Variants in C12orf42 observed in about 807,000 individuals in gnomAD.
The protein encoded by C12orf42 is uncharacterized protein C12orf42.
A neutral mutation model predicts 21.6 loss-of-function variants in C12orf42; 25 were observed. The observed-to-expected ratio is 1.16, with a 90% CI of 0.84 to 1.62. C12orf42 has a LOEUF of 1.62. Among genes scored for constraint, C12orf42 ranks in the 40% most tolerant of loss-of-function variants. C12orf42 has a pLI of 0.00. For missense variants in C12orf42, 483 were observed against 459.3 expected (o/e 1.05, Z -0.47); for synonymous variants, 174 against 175.0 (o/e 0.99, Z 0.05).
At chr12:103,201,517 T>G in the C12orf42 span, among the ~76,000 whole-genome samples, 3 of 152,054 alleles carry the variant, frequency 2.0e-5, no homozygotes, top group East Asian at 5.8e-4. Flanking sequence ...AAAAAAAAAG[T>G]TTTGCTCAGC....
the C12orf42 span, among the ~76,000 whole-genome samples, chr12:103,072,618 A>C: frequency 1.3e-5 from 2 of 152,096 alleles, no homozygotes; most frequent in Non-Finnish European, 1.5e-5. Context: ...CCCCCGGTAC[A>C]TACCCAGTAA....
At chr12:103,449,081 TGATAGATAGATAGATAGATAGATAGATA>T (rs56702467) in intron 2 of C12orf42, among the ~76,000 whole-genome samples, 2 of 146,484 alleles carry the variant, frequency 1.4e-5, no homozygotes, top group African/African-American at 2.5e-5. Flanking sequence ...AAAGAAAATA[TGATAGATAGATAGATAGATAGATAGATA>T]GATAGATAGA....
At chr12:103,086,391 C>A in the C12orf42 span, among the ~76,000 whole-genome samples, 3 of 151,522 alleles carry the variant, frequency 2.0e-5, no homozygotes, top group Non-Finnish European at 4.4e-5. Context: ...AAAGAGAGAA[C>A]TATTTCTAAT....
chr12:103,500,660 T>C (rs1412416781), upstream of C12orf42, among the ~76,000 whole-genome samples: 1 of 152,226 alleles, frequency 6.6e-6, no homozygotes, highest in Non-Finnish European at 1.5e-5. Context: ...GCAAGAATGT[T>C]CTGTAATTAA....
At chr12:103,313,945 G>T (rs962783369) in intron 4 of C12orf42, among the ~76,000 whole-genome samples, 1 of 152,142 alleles carries the variant, frequency 6.6e-6, no homozygotes, top group Non-Finnish European at 1.5e-5. Flanking sequence ...GGGGAAGGCG[G>T]CAAAAGCAGG....
chr12:103,164,626 T>C, the C12orf42 span: 1 of 433,876 alleles, frequency 2.3e-6, no homozygotes, highest in East Asian at 7.1e-5. Flanking sequence ...CATATACTTA[T>C]ACTAATATTT....
chr12:103,105,612 A>G, the C12orf42 span, among the ~76,000 whole-genome samples: 1 of 152,200 alleles, frequency 6.6e-6, no homozygotes, highest in Non-Finnish European at 1.5e-5. Context: ...TTCCCATGTA[A>G]CAAACCTGCA....
intron 2 of C12orf42, among the ~76,000 whole-genome samples, chr12:103,438,292 C>T (rs1417874658): frequency 2.6e-5 from 4 of 151,838 alleles, no homozygotes; most frequent in Non-Finnish European, 5.9e-5. Context: ...AAACCCACAG[C>T]CAATATCATA....
the C12orf42 span, among the ~76,000 whole-genome samples, chr12:103,525,809 C>A: frequency 1.3e-5 from 2 of 152,132 alleles, no homozygotes; most frequent in Admixed American, 1.3e-4. Context: ...GCAGATGAAT[C>A]ACAAGGTCAG....
At chr12:103,398,605 A>G (rs1027123423) in intron 3 of C12orf42, among the ~76,000 whole-genome samples, 6 of 152,078 alleles carry the variant, frequency 3.9e-5, no homozygotes, top group Admixed American at 6.5e-5. Context: ...CATAAAATAT[A>G]TTTTGTATTT....
chr12:103,111,192 A>G, the C12orf42 span, among the ~76,000 whole-genome samples: 1 of 152,202 alleles, frequency 6.6e-6, no homozygotes, highest in South Asian at 2.1e-4. Flanking sequence ...ATGAAACATT[A>G]AAAAATAATA....
At chr12:103,474,458 G>GTA (rs763707889) in intron 2 of C12orf42, among the ~76,000 whole-genome samples, 2,226 of 62,878 alleles carry the variant, frequency 0.035, 37 homozygotes, top group African/African-American at 0.072. Context: ...GTATGTATGT[G>GTA]TGTGTGTGTG....
At chr12:103,279,468 T>C (rs975003866) in intron 4 of C12orf42, among the ~76,000 whole-genome samples, 1 of 152,322 alleles carries the variant, frequency 6.6e-6, no homozygotes, top group East Asian at 1.9e-4. Context: ...AAAATAGATA[T>C]AGAAATAAAA....
At chr12:103,294,444 A>AAGAAAGAGAGAAAGGAGAGAG (rs1566025274) in intron 4 of C12orf42, among the ~76,000 whole-genome samples, 10 of 127,198 alleles carry the variant, frequency 7.9e-5, no homozygotes, top group African/African-American at 3.5e-4. Flanking sequence ...GAAAGAAAGA[A>AAGAAAGAGAGAAAGGAGAGAG]AGAAAGAAAG....
Position 103,368,907 on chromosome 12 carries a change from A to T in C12orf42, c.239T>A (p.Leu80Gln), listed in dbSNP as rs1444362506. 1 of 1,576,122 alleles carries T rather than the reference A, an allele frequency of 6.3e-7. No homozygotes were observed. The highest frequency in any genetic ancestry group is 1.7e-5 in the Admixed American group (1 of 57,308). ...NFSESPKFRS[L>Q]HFLNFPVFPE... ...TTTACCTGGAAAATTCAGAAAGTGT[A>T]GACTACGAAATTTAGGAGATTCAGA... The change falls in exon 4 of 6, where the codon CTA becomes CAA. Residue 80 changes from leucine (L) to glutamine (Q), a missense_variant. Physicochemically the swap from Leu to Gln is moderately radical, Grantham distance 113. Transcript: ENST00000548883.
chr12:103,502,972 A>G, the C12orf42 span, among the ~76,000 whole-genome samples: 359 of 152,276 alleles, frequency 2.4e-3, 3 homozygotes, highest in African/African-American at 8.2e-3. Context: ...GCAATAAATT[A>G]CTGTCATTCC....
intron 2 of C12orf42, among the ~76,000 whole-genome samples, chr12:103,402,614 G>T (rs2048096939): frequency 6.6e-6 from 1 of 152,168 alleles, no homozygotes; most frequent in Admixed American, 6.5e-5. Context: ...TCTAAAGCAG[G>T]AGGTAGTAAC....
At chr12:103,221,093 G>T in the C12orf42 span, among the ~76,000 whole-genome samples, 5 of 152,148 alleles carry the variant, frequency 3.3e-5, no homozygotes, top group African/African-American at 1.2e-4. Context: ...AACGATTCAG[G>T]AAATACTTGT....
At chr12:103,488,357 A>G (rs943935593) in intron 1 of C12orf42, among the ~76,000 whole-genome samples, 5 of 152,174 alleles carry the variant, frequency 3.3e-5, no homozygotes, top group African/African-American at 1.2e-4. Flanking sequence ...TGGGTAACCC[A>G]ACCTTTCTCT....
Sources: allele counts gnomAD v4.1 joint callset (sites outside exome capture counted in the v4.1 genomes callset), GRCh38; gene constraint gnomAD v4.1.1; transcripts MANE v1.5; gene names NCBI Gene and HGNC (gene_info 2026-07-23, HGNC 2026-07-21).